The following KIF21A variants were observed in gnomAD, a reference collection of about 807,000 sequenced individuals.
The protein encoded by KIF21A is kinesin family member 21A.
KIF21A carries 114 observed loss-of-function variants against 202.9 expected under a neutral mutation model. The observed-to-expected ratio is 0.56, with a 90% CI of 0.48 to 0.66. The LOEUF (loss-of-function observed/expected upper bound fraction) is 0.66. Ranked by LOEUF, KIF21A falls within the 30% of genes least tolerant of loss-of-function variation. The pLI is 0.00. For synonymous variants in KIF21A, 667 were observed against 670.8 expected, an observed-to-expected ratio of 0.99 and a Z score of 0.09; for missense variants, 1,677 against 1,994.9, an observed-to-expected ratio of 0.84 and a Z score of 3.04.
chr12:39,391,084 AGCCAT>A (rs1204884862), intron 1 of KIF21A, among the ~76,000 whole-genome samples: 3 of 152,244 alleles, frequency 2.0e-5, no homozygotes, highest in African/African-American at 7.2e-5. Context: ...GGATAGAAGG[AGCCAT>A]AGCTAGAGTC....
At chr12:39,422,332 A>T (rs1954368344) in intron 1 of KIF21A, among the ~76,000 whole-genome samples, 1 of 151,968 alleles carries the variant, frequency 6.6e-6, no homozygotes, top group Non-Finnish European at 1.5e-5. Context: ...AAATAGAAAA[A>T]TTTTTTCTAC....
intron 24 of KIF21A, among the ~76,000 whole-genome samples, chr12:39,326,892 A>G (rs541275694): frequency 6.6e-6 from 1 of 152,354 alleles, no homozygotes; most frequent in African/African-American, 2.4e-5. Context: ...TGAACACAGA[A>G]GACAAAAACA....
intron 34 of KIF21A, 140 bp from the exon 35 acceptor site, chr12:39,305,078 A>C (rs1043616948): frequency 1.7e-6 from 1 of 593,896 alleles, no homozygotes; most frequent in Non-Finnish European, 3.0e-6. Flanking sequence ...TAGAGATGGG[A>C]TCTTGGGCCG....
intron 33 of KIF21A, 82 bp downstream of exon 33, chr12:39,309,504 C>A: frequency 2.0e-6 from 2 of 983,780 alleles, no homozygotes; most frequent in Non-Finnish European, 3.0e-6. Context: ...CATTTATAGT[C>A]CTCTCTTTTC....
chr12:39,352,944 A>C, intron 10 of KIF21A, among the ~76,000 whole-genome samples: 1 of 152,176 alleles, frequency 6.6e-6, no homozygotes, highest in East Asian at 1.9e-4. Flanking sequence ...CTTGATTTAA[A>C]CCATCAAAAA....
chr12:39,309,585 C>T lies in KIF21A; in HGVS notation c.4277+1G>A, dbSNP rs1472354651. 6 of 1,602,484 alleles carry T rather than the reference C, an allele frequency of 3.7e-6. No individual in the cohort carries two copies. The highest frequency in any genetic ancestry group is 2.2e-5 in the East Asian group (1 of 44,702). The stretch of plus-strand genomic sequence containing the variant: ...ATGCTATATGTCTTCAAGTTACTTA[C>T]GTTAGTGTTCGAATGCACTTTGCTG... On this transcript the variant is annotated splice_donor_variant, in intron 33 of 37. Transcript: ENST00000361418. LOFTEE classifies it high-confidence loss of function.
chr12:39,344,567 G>A (rs960277044), intron 12 of KIF21A, among the ~76,000 whole-genome samples: 10 of 152,086 alleles, frequency 6.6e-5, no homozygotes, highest in Non-Finnish European at 8.8e-5. Context: ...CCAACATATC[G>A]TTCTACTCCC....
At position 39,293,893 on chromosome 12, in the gene KIF21A, A is replaced by G. The variant is rs1479577907; in HGVS notation, c.*531T>C. ...AATTCCACCTTATGAAAATTCATCA[A>G]TAATATTCTCATATCTTATTTTTGT... On this transcript the variant is annotated 3_prime_UTR_variant, in exon 38 of 38. Coordinates refer to ENST00000361418, the MANE Select transcript of KIF21A (RefSeq NM_001173464.2). The G allele has an allele frequency of 6.4e-6, 1 of 156,254 alleles. No homozygotes were observed. Among genetic ancestry groups the G allele is most frequent in the Non-Finnish European group, 1.4e-5 (1 of 70,418 alleles). 9.7% of individuals were successfully genotyped at this position (156,254 alleles called of 1,614,324 possible).
intron 37 of KIF21A, among the ~76,000 whole-genome samples, chr12:39,299,451 AAC>A (rs1278316407): frequency 2.0e-5 from 3 of 152,118 alleles, no homozygotes; most frequent in African/African-American, 7.2e-5. Context: ...AGTCAAAAAT[AAC>A]ACATGTCAAC....
intron 1 of KIF21A, among the ~76,000 whole-genome samples, chr12:39,390,796 C>T (rs1228135313): frequency 6.6e-6 from 1 of 152,002 alleles, no homozygotes; most frequent in Non-Finnish European, 1.5e-5. Flanking sequence ...CCATATATGC[C>T]AGTCATTTTA....
intron 22 of KIF21A, 43 bp from the exon 23 acceptor site, chr12:39,330,954 A>T (rs1393721858): frequency 6.3e-7 from 1 of 1,592,874 alleles, no homozygotes; most frequent in South Asian, 1.1e-5. Context: ...ACGAAACAGG[A>T]TCTACCACAC....
At chr12:39,420,246 T>C (rs909524375) in intron 1 of KIF21A, among the ~76,000 whole-genome samples, 1 of 152,080 alleles carries the variant, frequency 6.6e-6, no homozygotes, top group Admixed American at 6.6e-5. Context: ...GAAAGTTGAC[T>C]ACAGGGGCAA....
intron 1 of KIF21A, among the ~76,000 whole-genome samples, chr12:39,416,511 G>C (rs1298952559): frequency 6.6e-6 from 1 of 151,358 alleles, no homozygotes; most frequent in Non-Finnish European, 1.5e-5. Flanking sequence ...CAGGAGAATC[G>C]CTTGAACCCG....
rs748756400 is a variant in KIF21A, at chr12:39,351,947, C to T, written c.1503G>A (p.Glu501=). The change falls in exon 11 of 38, where the codon GAG becomes GAA. Residue 501 remains glutamate, a synonymous_variant. Coordinates refer to ENST00000361418, the MANE Select transcript of KIF21A (RefSeq NM_001173464.2). The part of the protein sequence containing the change: ...AKLLESEAVN[E]NLRKNLTRAT... ...CTCTTGTCAAGTTTTTTCGAAGGTT[C>T]TCATTCACTGCTTCACTTTCTAATA... 3 of 1,613,130 alleles carry T rather than the reference C, an allele frequency of 1.9e-6. No individual in the cohort carries two copies. In the South Asian group the frequency reaches 3.3e-5, roughly 18 times the overall value.
chr12:39,331,695 T>C lies in KIF21A; in HGVS notation c.3148A>G (p.Asn1050Asp). 1.9e-6 allele frequency: 3 copies of C among 1,606,318 alleles called. No individual in the cohort carries two copies. Among genetic ancestry groups the C allele is most frequent in the African/African-American group, 1.3e-5 (1 of 74,894 alleles). The change falls in exon 22 of 38, where the codon AAT becomes GAT. Residue 1050 changes from asparagine (N) to aspartate (D), a missense_variant. This residue lies in a region of KIF21A where 705 missense variants were observed against 791.9 expected (regional missense o/e 0.89). Transcript: ENST00000361418. Reference protein sequence around the residue: ...LLDHFLSMGINKGLQAAQKEA... With the variant: ...LLDHFLSMGIDKGLQAAQKEA... ...ACAGTGTGGTTGTATCTTACCTTAT[T>C]GATGCCCATTGACAGGAAGTGATCT...
intron 16 of KIF21A, among the ~76,000 whole-genome samples, chr12:39,339,234 T>C (rs1175756700): frequency 1.5e-5 from 1 of 66,614 alleles, no homozygotes. Context: ...AGACTCCCTC[T>C]CAAAAAAAAA....
intron 1 of KIF21A, among the ~76,000 whole-genome samples, chr12:39,393,591 C>T (rs1393620568): frequency 1.3e-5 from 2 of 152,150 alleles, no homozygotes; most frequent in East Asian, 1.9e-4. Context: ...GTTATTTCCC[C>T]ACTTGGTAGA....
rs762149881 is a variant in KIF21A at position 39,332,400 on chromosome 12, C to A, written c.2865G>T (p.Glu955Asp). 5 of 1,613,634 alleles carry A rather than the reference C, an allele frequency of 3.1e-6. No individual in the cohort carries two copies. In the African/African-American group the frequency reaches 5.3e-5, roughly 17 times the overall value. Reference protein sequence around the residue: ...ADMNRLLKQREELTKRREKLS... With the variant: ...ADMNRLLKQRDELTKRREKLS... ...GTTTCTCTCGTCTTTTTGTGAGTTC[C>A]TCCCGTTGCTATTGAGAAAGCAGGT... Residue 955 changes from glutamate to aspartate, a missense_variant, in exon 21 of 38, where the codon GAG becomes GAT. This residue lies in a region of KIF21A where 966 missense variants were observed against 1,180.9 expected (regional missense o/e 0.82). Coordinates refer to ENST00000361418, the MANE Select transcript of KIF21A (RefSeq NM_001173464.2).
rs1353385135 is a variant in KIF21A, at chr12:39,341,525, T to C, written c.1901A>G (p.Asp634Gly). ...IDGGESSDESDSESDEKANYQ... is the reference protein window; with the variant it reads ...IDGGESSDESGSESDEKANYQ... Reference sequence around the variant, plus strand: ...AGTACCTTTTTCATCTGATTCAGAATCTGATTCATCAGAACTTTCACCCCC... The same window carrying C: ...AGTACCTTTTTCATCTGATTCAGAACCTGATTCATCAGAACTTTCACCCCC... The change falls in exon 14 of 38, where the codon GAT becomes GGT. Residue 634 changes from aspartate (D) to glycine (G), a missense_variant. By Grantham distance (94) the Asp-to-Gly change is moderately conservative (BLOSUM62 -1). Transcript: ENST00000361418. 1.1e-5 allele frequency: 17 copies of C among 1,613,120 alleles called. 1 individual carries two copies. Among genetic ancestry groups the C allele is most frequent in the Non-Finnish European group, 1.4e-5 (17 of 1,179,628 alleles).
Sources: allele counts gnomAD v4.1 joint callset (sites outside exome capture counted in the v4.1 genomes callset), GRCh38; gene constraint gnomAD v4.1.1; regional missense constraint gnomAD v4.1.1; transcripts MANE v1.5; gene names NCBI Gene and HGNC (gene_info 2026-07-23, HGNC 2026-07-21).